The following LRPAP1 variants were observed in gnomAD, a reference collection of about 807,000 sequenced individuals.
The protein encoded by LRPAP1 is LDL receptor related protein associated protein 1, also known as alpha-2-macroglobulin receptor-associated protein.
LRPAP1 carries 41 observed loss-of-function variants against 39.9 expected under a neutral mutation model. That is an observed-to-expected ratio of 1.03 (90% confidence interval 0.80 to 1.33). The LOEUF (loss-of-function observed/expected upper bound fraction) is 1.33. Among genes scored for constraint, LRPAP1 ranks in the 40% most tolerant of loss-of-function variants. The pLI is 0.00. For synonymous variants in LRPAP1, 263 were observed against 212.7 expected (o/e 1.24, Z -2.06); for missense variants, 565 against 482.3 (o/e 1.17, Z -1.61).
chr4:3,530,677 G>A (rs1577213828), intron 1 of LRPAP1, among the ~76,000 whole-genome samples: 1 of 152,178 alleles, frequency 6.6e-6, no homozygotes, highest in African/African-American at 2.4e-5. Context: ...GGGGCAGCCC[G>A]AGGGTAGCTG....
intron 2 of LRPAP1, 145 bp downstream of exon 2, chr4:3,524,762 G>T: frequency 1.0e-6 from 1 of 963,998 alleles, no homozygotes; most frequent in Non-Finnish European, 1.6e-6. Context: ...GGATGCTCGG[G>T]GAAAGGCTCA....
chr4:3,531,473 T>G (rs1428606679), intron 1 of LRPAP1, among the ~76,000 whole-genome samples: 3 of 152,130 alleles, frequency 2.0e-5, no homozygotes, highest in African/African-American at 7.2e-5. Flanking sequence ...CCATTTCAGG[T>G]GTTTTCAGGA....
chr4:3,525,268 A>C, intron 1 of LRPAP1: 1 of 552,634 alleles, frequency 1.8e-6, no homozygotes, highest in Non-Finnish European at 3.2e-6. Flanking sequence ...CGATCCGGAA[A>C]CCCCAAGTCC....
At chr4:3,519,119 C>T in intron 3 of LRPAP1, 128 bp from the exon 4 acceptor site, 6 of 1,454,536 alleles carry the variant, frequency 4.1e-6, no homozygotes, top group Non-Finnish European at 4.6e-6. Context: ...GGTTCTTGGC[C>T]TCACGAAGGG....
chr4:3,516,618 C>T (rs1278443360), intron 5 of LRPAP1, among the ~76,000 whole-genome samples: 1 of 152,236 alleles, frequency 6.6e-6, no homozygotes, highest in Non-Finnish European at 1.5e-5. Context: ...GGCCGTTTCC[C>T]TTCGGTCCTG....
At chr4:3,525,072 C>T (rs561395158) in intron 1 of LRPAP1, 21 bp from the exon 2 acceptor site, 2 of 1,613,460 alleles carry the variant, frequency 1.2e-6, no homozygotes, top group Non-Finnish European at 8.5e-7. Flanking sequence ...AGGGGAGGAG[C>T]CTGTGAGCCA....
chr4:3,504,959 A>AGAC lies in LRPAP1; in HGVS notation c.*8014_*8015insGTC. ...AAGACTCCGTCTCAAGAAAAAAATA[A>AGAC]ATAACAAAGAACAGAAGACAACATG... On this transcript the variant is annotated 3_prime_UTR_variant, in exon 8 of 8. Transcript: ENST00000650182. Among the ~76,000 whole-genome samples, 1 of 150,082 alleles carries AGAC rather than the reference A, an allele frequency of 6.7e-6. No individual in the cohort carries two copies. The highest frequency in any genetic ancestry group is 2.4e-5 in the African/African-American group (1 of 41,248).
At position 3,505,794 on chromosome 4, in the gene LRPAP1, G is replaced by C. The variant is rs77298395; in HGVS notation, c.*7180C>G. Reference sequence around the variant, plus strand: ...TGGATTACAACTCGGCAAGATGCTGGGGAGGTTTCTGTTAGGGTGGAGCTG... The same window carrying C: ...TGGATTACAACTCGGCAAGATGCTGCGGAGGTTTCTGTTAGGGTGGAGCTG... On this transcript the variant is annotated 3_prime_UTR_variant, in exon 8 of 8. Transcript: ENST00000650182. Among the ~76,000 whole-genome samples the C allele has an allele frequency of 6.6e-6, 1 of 152,236 alleles. No homozygotes were observed.
At chr4:3,530,874 T>C (rs1289263829) in intron 1 of LRPAP1, among the ~76,000 whole-genome samples, 3 of 152,034 alleles carry the variant, frequency 2.0e-5, no homozygotes, top group African/African-American at 7.2e-5. Flanking sequence ...CCGAGTGCAC[T>C]TCCTCAGCGC....
chr4:3,520,047 AG>A (rs1430039578), intron 3 of LRPAP1, 24 bp downstream of exon 3: 1 of 1,611,210 alleles, frequency 6.2e-7, no homozygotes, highest in Admixed American at 1.7e-5. Flanking sequence ...CAATTCTGCA[AG>A]GTATGCAAAC....
chr4:3,518,130 T>C lies in LRPAP1; in HGVS notation c.655A>G (p.Ser219Gly), dbSNP rs1729779818. The change falls in exon 5 of 8, where the codon AGC becomes GGC. Residue 219 changes from serine (S) to glycine (G), a missense_variant. By Grantham distance (56) the Ser-to-Gly change is moderately conservative. Transcript: ENST00000650182. ...TTCTCCTTCAGCTCCGTGTGCCTGC[T>C]GTGCAGGACGCTGCCCTTGATGTCG... ...LSDIKGSVLH[S>G]RHTELKEKLR... 8.1e-6 allele frequency: 13 copies of C among 1,613,718 alleles called. No individual in the cohort carries two copies. The highest frequency in any genetic ancestry group is 1.0e-5 in the Non-Finnish European group (12 of 1,179,994).
rs188130340 is a variant in LRPAP1, at chr4:3,525,075, G to C, written c.205-24C>G. ...AGCTGCGAACGAAGGGGAGGAGCCT[G>C]TGAGCCACGAGCAGGACGGACCAGG... On this transcript the variant is annotated intron_variant, in intron 1 of 7. Coordinates refer to ENST00000650182, the MANE Select transcript of LRPAP1 (RefSeq NM_002337.4). 9 of 1,613,212 alleles carry C rather than the reference G, an allele frequency of 5.6e-6. No individual in the cohort carries two copies. In the Admixed American group the frequency reaches 8.3e-5, roughly 15 times the overall value.
In LRPAP1 at chr4:3,518,032, A is replaced by G; in HGVS notation, c.751+2T>C. ...AACCAACAGTCCCGGGCGGGCACTC[A>G]CCAGCCTCAGTGCTGTAGCCCTGGT... On this transcript the variant is annotated splice_donor_variant, in intron 5 of 7. Coordinates refer to ENST00000650182, the MANE Select transcript of LRPAP1 (RefSeq NM_002337.4). LOFTEE classifies it high-confidence loss of function. 6.2e-7 allele frequency: 1 copy of G among 1,601,240 alleles called. No individual in the cohort carries two copies. Among genetic ancestry groups the G allele is most frequent in the Non-Finnish European group, 8.5e-7 (1 of 1,174,500 alleles).
chr4:3,522,944 G>A (rs1560258902), intron 2 of LRPAP1, among the ~76,000 whole-genome samples: 1 of 152,160 alleles, frequency 6.6e-6, no homozygotes, highest in Non-Finnish European at 1.5e-5. Flanking sequence ...TAATGGCACG[G>A]GGGACCTCGG....
At position 3,520,060 on chromosome 4, in the gene LRPAP1, A is replaced by G. The variant is rs17848285; in HGVS notation, c.471+12T>C. On this transcript the variant is annotated intron_variant, in intron 3 of 7. Transcript: ENST00000650182. Reference sequence around the variant, plus strand: ...ACCAATTCTGCAAGGTATGCAAACAATCGAAGAGTACCTTGTGCCACAGCT... The same window carrying G: ...ACCAATTCTGCAAGGTATGCAAACAGTCGAAGAGTACCTTGTGCCACAGCT... The G allele has an allele frequency of 6.3e-5, 102 of 1,613,468 alleles. No homozygotes were observed. In the East Asian group the frequency reaches 2.2e-3, roughly 35 times the overall value.
chr4:3,512,764 G>A lies in LRPAP1; in HGVS notation c.*210C>T. 1 of 581,206 alleles carries A rather than the reference G, an allele frequency of 1.7e-6. No homozygotes were observed. Among genetic ancestry groups the A allele is most frequent in the Non-Finnish European group, 3.1e-6 (1 of 325,516 alleles). The allele number at this position is 581,206 out of a possible 1,614,324, so 36.0% of individuals were successfully genotyped here. A position where few individuals can be genotyped will look rare whatever the true frequency, so the allele number is the denominator to read the frequency against. On this transcript the variant is annotated 3_prime_UTR_variant, in exon 8 of 8. Coordinates refer to ENST00000650182, the MANE Select transcript of LRPAP1 (RefSeq NM_002337.4). ...TGGAAGCCAAGCCCCTTCAGTCAGA[G>A]CTGGGCCGATCTCAGACCCAAATGC...
At position 3,524,178 on chromosome 4, in the gene LRPAP1, G is replaced by C. The variant is rs569979309; in HGVS notation, c.349+729C>G. Among the ~76,000 whole-genome samples the C allele has an allele frequency of 3.2e-4, 48 of 152,328 alleles. 5 individuals carry two copies. The East Asian group carries it at 4.6e-3, about 15-fold the overall frequency. On this transcript the variant is annotated intron_variant, in intron 2 of 7. Coordinates refer to ENST00000650182, the MANE Select transcript of LRPAP1 (RefSeq NM_002337.4). ...TGCCCTGCCGACGGGCCCGTGGTGA[G>C]GGAGGATGGCGGAGGAGAGGGGTCC...
chr4:3,513,857 C>T (rs1407537592), intron 7 of LRPAP1, among the ~76,000 whole-genome samples: 1 of 141,814 alleles, frequency 7.1e-6, no homozygotes, highest in African/African-American at 2.6e-5. Flanking sequence ...ACCTCCCTCT[C>T]CACATAGAAG....
rs1398737714 is a variant in LRPAP1 at position 3,503,872 on chromosome 4, G to C, written c.*9102C>G. The C allele has an allele frequency of 6.6e-6, 1 of 152,320 alleles. No homozygotes were observed. Among genetic ancestry groups the C allele is most frequent in the African/African-American group, 2.4e-5 (1 of 41,466 alleles). 9.4% of individuals were successfully genotyped at this position (152,320 alleles called of 1,614,324 possible). A position where few individuals can be genotyped will look rare whatever the true frequency, so the allele number is the denominator to read the frequency against. ...GAGCTGTGGGAATCTGACAAGCCAGGAAGGTAGAAACAAGGGAGAAGTGAG... is the reference window on the plus strand; with the variant it reads ...GAGCTGTGGGAATCTGACAAGCCAGCAAGGTAGAAACAAGGGAGAAGTGAG... On this transcript the variant is annotated 3_prime_UTR_variant, in exon 8 of 8. Transcript: ENST00000650182.
Sources: allele counts gnomAD v4.1 joint callset (sites outside exome capture counted in the v4.1 genomes callset), GRCh38; gene constraint gnomAD v4.1.1; transcripts MANE v1.5; gene names NCBI Gene and HGNC (gene_info 2026-07-23, HGNC 2026-07-21).